The following MAN1A1 variants were observed in gnomAD, a reference collection of about 807,000 sequenced individuals.
The protein encoded by MAN1A1 is mannosyl-oligosaccharide 1,2-alpha-mannosidase IA.
Under a neutral mutation model 70.8 loss-of-function variants are expected in MAN1A1, and 29 were observed. The observed-to-expected ratio is 0.41, with a 90% CI of 0.31 to 0.56. The LOEUF (loss-of-function observed/expected upper bound fraction) is 0.56. MAN1A1 is among the 20% of genes least tolerant of loss of function. The pLI is 0.29. For synonymous variants in MAN1A1, 349 were observed against 330.1 expected (o/e 1.06, Z -0.62); for missense variants, 747 against 841.3 (o/e 0.89, Z 1.39).
At chr6:119,297,728 T>C (rs1772255147) in intron 4 of MAN1A1, among the ~76,000 whole-genome samples, 1 of 140,070 alleles carries the variant, frequency 7.1e-6, no homozygotes, top group African/African-American at 2.6e-5. Context: ...TATTACTAAA[T>C]AGTTTCCTTT....
At chr6:119,299,257 G>A (rs776562204) in intron 4 of MAN1A1, among the ~76,000 whole-genome samples, 8 of 151,838 alleles carry the variant, frequency 5.3e-5, no homozygotes, top group Non-Finnish European at 1.0e-4. Context: ...TACCTCTCCA[G>A]AATTTGTATG....
intron 5 of MAN1A1, 41 bp downstream of exon 5, chr6:119,290,642 A>G (rs1337796207): frequency 1.6e-5 from 22 of 1,416,448 alleles, no homozygotes; most frequent in Non-Finnish European, 2.1e-5. Context: ...GTAGTTTAAG[A>G]CACTTTATAA....
intron 6 of MAN1A1, among the ~76,000 whole-genome samples, chr6:119,214,100 G>A (rs1774129133): frequency 6.6e-6 from 1 of 152,012 alleles, no homozygotes; most frequent in Admixed American, 6.6e-5. Context: ...GAGTAGCTGG[G>A]ATTACAGGCG....
At chr6:119,241,902 G>A (rs1582728150) in intron 6 of MAN1A1, among the ~76,000 whole-genome samples, 1 of 11,302 alleles carries the variant, frequency 8.8e-5, no homozygotes, top group East Asian at 4.4e-3. Flanking sequence ...AATTATATGT[G>A]TGTGTGTGTG....
At chr6:119,332,763 C>A (rs1214515175) in intron 2 of MAN1A1, among the ~76,000 whole-genome samples, 60 of 137,720 alleles carry the variant, frequency 4.4e-4, no homozygotes, top group African/African-American at 1.6e-3. Context: ...CCAGCCTGGG[C>A]GACAAGAGCA....
At chr6:119,290,609 G>A (rs1003550981) in intron 5 of MAN1A1, 74 bp downstream of exon 5, 11 of 963,596 alleles carry the variant, frequency 1.1e-5, no homozygotes, top group Admixed American at 6.9e-5. Context: ...TATATGTCAC[G>A]AATGGCATAT....
Position 119,277,496 on chromosome 6 carries a change from T to C in MAN1A1, c.897+13187A>G, listed in dbSNP as rs375629286. 7.9e-5 allele frequency among the ~76,000 whole-genome samples: 12 copies of C among 152,260 alleles called. No homozygotes were observed. In the East Asian group the frequency reaches 2.1e-3, roughly 27 times the overall value. On this transcript the variant is annotated intron_variant, in intron 5 of 12. Transcript: ENST00000368468. ...ACAAATTTTTTTATGAATCAAATGA[T>C]AGTTTCATACATTAGGTAAGACTTA...
At chr6:119,191,343 A>G (rs1481872336) in intron 9 of MAN1A1, among the ~76,000 whole-genome samples, 2 of 152,188 alleles carry the variant, frequency 1.3e-5, no homozygotes, top group Non-Finnish European at 2.9e-5. Flanking sequence ...GAGAAACATT[A>G]TTACCCTGTT....
At chr6:119,294,430 T>A (rs555667515) in intron 4 of MAN1A1, among the ~76,000 whole-genome samples, 1 of 152,208 alleles carries the variant, frequency 6.6e-6, no homozygotes, top group South Asian at 2.1e-4. Context: ...CTAAATCTTG[T>A]GAGATTTATC....
chr6:119,336,000 A>G (rs539765033), intron 2 of MAN1A1, among the ~76,000 whole-genome samples: 35 of 152,304 alleles, frequency 2.3e-4, no homozygotes, highest in African/African-American at 7.9e-4. Flanking sequence ...ACCTAGCAAC[A>G]TGCTAAAAAT....
At chr6:119,236,512 C>G (rs1235793311) in intron 6 of MAN1A1, among the ~76,000 whole-genome samples, 1 of 151,876 alleles carries the variant, frequency 6.6e-6, no homozygotes, top group Non-Finnish European at 1.5e-5. Context: ...AACTCCTGAC[C>G]TCCTGGCCAA....
chr6:119,188,674 T>C, intron 10 of MAN1A1, 97 bp from the exon 11 acceptor site: 3 of 1,088,688 alleles, frequency 2.8e-6, no homozygotes, highest in Non-Finnish European at 4.0e-6. Flanking sequence ...CATCCCTCAG[T>C]ATCTATGAGG....
chr6:119,188,470 A>T lies in MAN1A1; in HGVS notation c.1654T>A (p.Tyr552Asn). ...YILRPEVMET[Y>N]MYMWRLTHDP... ...TGAGTCAGTCTCCACATATACATGTAAGTCTCCATAACTTCTGGCCGTAAG... is the reference window on the plus strand; with the variant it reads ...TGAGTCAGTCTCCACATATACATGTTAGTCTCCATAACTTCTGGCCGTAAG... Residue 552 changes from tyrosine to asparagine, a missense_variant, in exon 11 of 13, where the codon TAC (tyrosine) becomes AAC (asparagine). Tyr to Asn is a moderately radical substitution (Grantham distance 143, BLOSUM62 -2). Transcript: ENST00000368468. The T allele has an allele frequency of 6.2e-7, 1 of 1,614,020 alleles. No individual in the cohort carries two copies. Among genetic ancestry groups the T allele is most frequent in the Non-Finnish European group, 8.5e-7 (1 of 1,179,900 alleles).
At chr6:119,348,413 C>G in intron 2 of MAN1A1, 50 bp downstream of exon 2, 1 of 1,485,498 alleles carries the variant, frequency 6.7e-7, no homozygotes. Flanking sequence ...TGCCGTTTCT[C>G]CCTGAAAAAC....
chr6:119,292,108 C>T (rs1386542637), intron 4 of MAN1A1, among the ~76,000 whole-genome samples: 1 of 151,952 alleles, frequency 6.6e-6, no homozygotes, highest in Non-Finnish European at 1.5e-5. Context: ...GGATAATGCA[C>T]CAAGTCTCTT....
intron 5 of MAN1A1, among the ~76,000 whole-genome samples, chr6:119,280,667 T>C (rs1776205006): frequency 6.6e-6 from 1 of 152,320 alleles, no homozygotes; most frequent in East Asian, 1.9e-4. Context: ...AAAAATAATT[T>C]GCAAGAACAT....
At chr6:119,191,577 C>T (rs1408965759) in intron 9 of MAN1A1, among the ~76,000 whole-genome samples, 2 of 152,034 alleles carry the variant, frequency 1.3e-5, no homozygotes, top group Non-Finnish European at 2.9e-5. Flanking sequence ...GTGATTTAAT[C>T]CTTGTATAAT....
intron 6 of MAN1A1, among the ~76,000 whole-genome samples, chr6:119,210,577 T>C (rs1774021634): frequency 6.6e-6 from 1 of 152,220 alleles, no homozygotes; most frequent in Non-Finnish European, 1.5e-5. Flanking sequence ...TCCAAGGATA[T>C]ATTCCGATTT....
chr6:119,254,520 T>C (rs916826391), intron 5 of MAN1A1, among the ~76,000 whole-genome samples: 2 of 152,224 alleles, frequency 1.3e-5, no homozygotes, highest in Non-Finnish European at 2.9e-5. Flanking sequence ...TGCCAACCAA[T>C]TGTTCACCAA....
Sources: allele counts gnomAD v4.1 joint callset (sites outside exome capture counted in the v4.1 genomes callset), GRCh38; gene constraint gnomAD v4.1.1; transcripts MANE v1.5; gene names NCBI Gene and HGNC (gene_info 2026-07-23, HGNC 2026-07-21).